DLG2: variants seen among roughly 807,000 people sequenced by gnomAD.
DLG2 encodes the protein disks large homolog 2.
Under a neutral mutation model 132.5 loss-of-function variants are expected in DLG2, and 45 were observed. That is an observed-to-expected ratio of 0.34 (90% CI 0.27 to 0.44). The LOEUF (loss-of-function observed/expected upper bound fraction) is 0.44. Ranked by LOEUF, DLG2 falls within the 20% of genes least tolerant of loss-of-function variation. The probability of loss-of-function intolerance (pLI) is 1.00; values close to 1 mark genes in which losing one functional copy is unlikely to be tolerated. For missense variants in DLG2, 1,045 were observed against 1,196.9 expected (o/e 0.87, Z 1.87); for synonymous variants, 424 against 419.6 (o/e 1.01, Z -0.13).
At chr11:84,732,790 C>G (rs1427323116) in intron 6 of DLG2, among the ~76,000 whole-genome samples, 2 of 148,276 alleles carry the variant, frequency 1.3e-5, no homozygotes, top group African/African-American at 4.9e-5. Flanking sequence ...CTATCCCTCC[C>G]CCCACCCACC....
intron 7 of DLG2, among the ~76,000 whole-genome samples, chr11:84,307,896 C>T (rs2098242446): frequency 6.6e-6 from 1 of 151,312 alleles, no homozygotes; most frequent in Non-Finnish European, 1.5e-5. Flanking sequence ...TAAGGCGGCG[C>T]GTCTGGAGTT....
intron 3 of DLG2, among the ~76,000 whole-genome samples, chr11:85,371,950 C>T (rs1342311867): frequency 6.6e-6 from 1 of 152,172 alleles, no homozygotes; most frequent in Non-Finnish European, 1.5e-5. Flanking sequence ...TCAGTCCTGA[C>T]ATAATTTGTT....
At chr11:85,362,171 G>T (rs2084203640) in intron 3 of DLG2, among the ~76,000 whole-genome samples, 1 of 152,094 alleles carries the variant, frequency 6.6e-6, no homozygotes, top group South Asian at 2.1e-4. Flanking sequence ...GCCCAGGCTG[G>T]TCTTGAACTC....
At chr11:85,499,902 C>G (rs1407754690) in intron 3 of DLG2, among the ~76,000 whole-genome samples, 1 of 152,176 alleles carries the variant, frequency 6.6e-6, no homozygotes, top group Non-Finnish European at 1.5e-5. Flanking sequence ...AACAGCCTTT[C>G]ATGCTTAAAT....
chr11:85,098,731 G>A (rs2070342639), intron 6 of DLG2, among the ~76,000 whole-genome samples: 1 of 152,118 alleles, frequency 6.6e-6, no homozygotes. Flanking sequence ...TAGCCTTCAA[G>A]ATCAATTATC....
At chr11:83,951,613 C>A (rs183441660) in intron 14 of DLG2, among the ~76,000 whole-genome samples, 2 of 152,150 alleles carry the variant, frequency 1.3e-5, no homozygotes, top group East Asian at 3.9e-4. Flanking sequence ...GGGGCAAGCA[C>A]AAACTTCCTG....
chr11:85,044,098 T>G (rs1183635870), intron 6 of DLG2, among the ~76,000 whole-genome samples: 1 of 152,024 alleles, frequency 6.6e-6, no homozygotes, highest in Non-Finnish European at 1.5e-5. Context: ...TGCTGTTACT[T>G]TGCCCCATTC....
chr11:83,716,714 T>A (rs1363257292), intron 18 of DLG2, among the ~76,000 whole-genome samples: 1 of 152,250 alleles, frequency 6.6e-6, no homozygotes, highest in African/African-American at 2.4e-5. Context: ...AAAAGAGATT[T>A]TTTTTTCTCG....
At chr11:83,690,885 A>T (rs1168886216) in intron 18 of DLG2, among the ~76,000 whole-genome samples, 3 of 152,234 alleles carry the variant, frequency 2.0e-5, no homozygotes, top group Non-Finnish European at 2.9e-5. Context: ...GTTTTACTGA[A>T]TCACAGCTAC....
At chr11:84,052,994 GC>G (rs2096425347) in intron 11 of DLG2, among the ~76,000 whole-genome samples, 2 of 151,998 alleles carry the variant, frequency 1.3e-5, no homozygotes, top group Admixed American at 1.3e-4. Flanking sequence ...ATTCACAATA[GC>G]AAAGACATGG....
At chr11:84,906,565 C>T (rs73518944) in intron 6 of DLG2, among the ~76,000 whole-genome samples, 61 of 152,140 alleles carry the variant, frequency 4.0e-4, no homozygotes, top group African/African-American at 1.4e-3. Context: ...AAAAGCTTGC[C>T]TCCTTCTACC....
At chr11:84,739,510 A>G (rs2064306412) in intron 6 of DLG2, among the ~76,000 whole-genome samples, 1 of 152,190 alleles carries the variant, frequency 6.6e-6, no homozygotes, top group South Asian at 2.1e-4. Flanking sequence ...ACTTTACCTG[A>G]GTTTTAAAAA....
At chr11:85,546,350 T>A (rs979281845) in intron 3 of DLG2, among the ~76,000 whole-genome samples, 10 of 152,240 alleles carry the variant, frequency 6.6e-5, no homozygotes, top group African/African-American at 2.2e-4. Context: ...CACTGTGGTC[T>A]GAGAGACTGT....
chr11:83,741,718 G>A (rs1381775552), intron 18 of DLG2, among the ~76,000 whole-genome samples: 1 of 151,914 alleles, frequency 6.6e-6, no homozygotes, highest in Admixed American at 6.6e-5. Context: ...TTATAAAAAT[G>A]GCCATACTGG....
At chr11:85,384,407 T>A (rs1338668670) in intron 3 of DLG2, among the ~76,000 whole-genome samples, 2 of 152,186 alleles carry the variant, frequency 1.3e-5, no homozygotes, top group African/African-American at 4.8e-5. Flanking sequence ...ATTTAATAGG[T>A]CTTCAAAGAT....
At chr11:85,497,589 T>C (rs74660709) in intron 3 of DLG2, among the ~76,000 whole-genome samples, 1 of 152,052 alleles carries the variant, frequency 6.6e-6, no homozygotes, top group Non-Finnish European at 1.5e-5. Context: ...ACCACAAAGA[T>C]ATTCCTTGAA....
chr11:85,027,906 G>A (rs897670370), intron 6 of DLG2, among the ~76,000 whole-genome samples: 2 of 152,180 alleles, frequency 1.3e-5, no homozygotes, highest in African/African-American at 4.8e-5. Flanking sequence ...GGGGAGGGGG[G>A]TGTTTCAGCC....
At chr11:84,642,438 C>T (rs61899004) in intron 6 of DLG2, among the ~76,000 whole-genome samples, 24,920 of 151,678 alleles carry the variant, frequency 0.16, 2,693 homozygotes, top group African/African-American at 0.3. Context: ...TTTAAAGTGA[C>T]GGAAAGAGAT....
At chr11:83,747,592 C>T (rs927081496) in intron 18 of DLG2, among the ~76,000 whole-genome samples, 14 of 152,166 alleles carry the variant, frequency 9.2e-5, no homozygotes, top group Admixed American at 8.5e-4. Context: ...TCAAGCTATC[C>T]ACCCTCAAGT....
Sources: gnomAD v4.1 joint callset for allele counts (sites outside exome capture counted in the v4.1 genomes callset) on GRCh38, gnomAD v4.1.1 for gene constraint, MANE v1.5 for transcripts, NCBI Gene and HGNC (gene_info 2026-07-23, HGNC 2026-07-21) for gene names.